Variants in GRIK2 observed in about 807,000 individuals in gnomAD.
GRIK2 encodes the protein glutamate receptor ionotropic, kainate 2.
Under a neutral mutation model 100.3 loss-of-function variants are expected in GRIK2, and 32 were observed. That is an observed-to-expected ratio of 0.32 (90% CI 0.24 to 0.43). The LOEUF is 0.43. Among genes scored for constraint, GRIK2 ranks in the 20% least tolerant of loss-of-function variants. GRIK2 has a pLI of 1.00. For synonymous variants in GRIK2, 417 were observed against 389.4 expected (o/e 1.07, Z -0.83); for missense variants, 843 against 1,114.9 (o/e 0.76, Z 3.47).
chr6:101,466,772 T>C (rs1771671114), intron 2 of GRIK2, among the ~76,000 whole-genome samples: 1 of 152,162 alleles, frequency 6.6e-6, no homozygotes, highest in African/African-American at 2.4e-5. Flanking sequence ...TGAAGGAGTT[T>C]GTGTGCTTTC....
At chr6:102,013,075 GTTTC>G (rs1343550053) in intron 14 of GRIK2, among the ~76,000 whole-genome samples, 2 of 151,990 alleles carry the variant, frequency 1.3e-5, no homozygotes, top group East Asian at 1.9e-4. Flanking sequence ...AGTATAGAAT[GTTTC>G]TTTATTTGTT....
chr6:101,946,705 C>A (rs537490961), intron 14 of GRIK2, among the ~76,000 whole-genome samples: 8 of 151,986 alleles, frequency 5.3e-5, no homozygotes, highest in Non-Finnish European at 8.8e-5. Context: ...AGAGGAGATG[C>A]CAGGATTCAG....
At chr6:101,431,497 G>A (rs78464510) in intron 2 of GRIK2, 11,793 of 152,190 alleles carry the variant, frequency 0.077, 478 homozygotes, top group Middle Eastern at 0.11. Flanking sequence ...CACATGTGGC[G>A]CCATTGTCAA....
chr6:101,889,769 G>C lies in GRIK2; in HGVS notation c.1654G>C (p.Val552Leu). ...CAAGCCCAATGGTACAAACCCAGGC[G>C]TCTTCTCCTTCCTGAATCCTCTCTC... ...YRKPNGTNPGVFSFLNPLSPD... is the reference protein window; with the variant it reads ...YRKPNGTNPGLFSFLNPLSPD... Residue 552 changes from valine to leucine, a missense_variant, in exon 12 of 17, where the codon GTC becomes CTC. By Grantham distance (32) the Val-to-Leu change is conservative. This residue lies in a region of GRIK2 where 237 missense variants were observed against 388.0 expected (regional missense o/e 0.61). Coordinates refer to ENST00000369134, the MANE Select transcript of GRIK2 (RefSeq NM_021956.5). The C allele has an allele frequency of 6.8e-6, 11 of 1,613,128 alleles. No individual in the cohort carries two copies. The highest frequency in any genetic ancestry group is 9.3e-6 in the Non-Finnish European group (11 of 1,179,356).
intron 4 of GRIK2, among the ~76,000 whole-genome samples, chr6:101,663,464 G>A (rs1285234644): frequency 6.6e-6 from 1 of 152,166 alleles, no homozygotes; most frequent in Non-Finnish European, 1.5e-5. Flanking sequence ...CCCACTGAGG[G>A]TGAGTCAGTC....
chr6:101,891,240 C>T (rs546498518), intron 12 of GRIK2, among the ~76,000 whole-genome samples: 2 of 151,276 alleles, frequency 1.3e-5, no homozygotes, highest in East Asian at 1.9e-4. Flanking sequence ...TAATATTGGC[C>T]GGGTGTGGTT....
At chr6:101,878,250 C>T (rs1230492676) in intron 11 of GRIK2, among the ~76,000 whole-genome samples, 1 of 151,192 alleles carries the variant, frequency 6.6e-6, no homozygotes. Context: ...ACCATTTACC[C>T]AATTTCCCAT....
At chr6:101,537,046 C>T (rs1775734309) in intron 2 of GRIK2, among the ~76,000 whole-genome samples, 1 of 151,550 alleles carries the variant, frequency 6.6e-6, no homozygotes, top group Non-Finnish European at 1.5e-5. Flanking sequence ...TTTTAGTTTT[C>T]TGGAGTAATG....
At chr6:101,989,443 A>T (rs547362463) in intron 14 of GRIK2, among the ~76,000 whole-genome samples, 22 of 151,754 alleles carry the variant, frequency 1.4e-4, no homozygotes, top group South Asian at 6.2e-4. Context: ...GCCCGGATAA[A>T]GCATTAGATT....
chr6:101,493,752 A>C (rs922318982), intron 2 of GRIK2, among the ~76,000 whole-genome samples: 1 of 151,194 alleles, frequency 6.6e-6, no homozygotes, highest in Non-Finnish European at 1.5e-5. Flanking sequence ...AACATTATAT[A>C]TTATTGGAAT....
intron 2 of GRIK2, among the ~76,000 whole-genome samples, chr6:101,525,921 G>C (rs2128283061): frequency 6.6e-6 from 1 of 152,298 alleles, no homozygotes; most frequent in Admixed American, 6.5e-5. Flanking sequence ...TAAAATGGAA[G>C]GAAACAGACA....
chr6:101,881,587 C>T (rs944827140), intron 11 of GRIK2, among the ~76,000 whole-genome samples: 118 of 151,564 alleles, frequency 7.8e-4, no homozygotes, highest in African/African-American at 2.7e-3. Context: ...GAAATTTCTG[C>T]GTACTGATAT....
intron 11 of GRIK2, among the ~76,000 whole-genome samples, chr6:101,883,289 AAATAATAATAATAAT>A (rs143808702): frequency 1.4e-5 from 2 of 144,310 alleles, no homozygotes; most frequent in Non-Finnish European, 3.0e-5. Flanking sequence ...TCTCTTTGGC[AAATAATAATAATAAT>A]AATAATAATA....
rs1470359056 is a variant in GRIK2 at position 101,831,463 on chromosome 6, AG to A, written c.1317+12981del. ...GACATGAACACTAATTAGGGATGGCAGAATTCAGGCTTGAAGAGCCACAGTG... is the reference window on the plus strand; with the variant it reads ...GACATGAACACTAATTAGGGATGGCAAATTCAGGCTTGAAGAGCCACAGTG... On this transcript the variant is annotated intron_variant, in intron 10 of 16. Coordinates refer to ENST00000369134, the MANE Select transcript of GRIK2 (RefSeq NM_021956.5). 9.2e-5 allele frequency among the ~76,000 whole-genome samples: 14 copies of A among 152,256 alleles called. No homozygotes were observed. The East Asian group carries it at 2.7e-3, about 29-fold the overall frequency.
Position 102,055,234 on chromosome 6 carries a change from A to G in GRIK2, c.2312-96A>G, listed in dbSNP as rs568437978. 27 of 885,386 alleles carry G rather than the reference A, an allele frequency of 3.0e-5. No homozygotes were observed. In the East Asian group the frequency reaches 4.8e-4, roughly 16 times the overall value. The allele number at this position is 885,386 out of a possible 1,614,324, so 54.8% of individuals were successfully genotyped here. ...AAAAAACATTGGCACACTTTGAAGC[A>G]TTTTGAAAAATCTCTGCCCTCCTCT... is the stretch of plus-strand genomic sequence containing the variant. On this transcript the variant is annotated intron_variant, in intron 15 of 16. Transcript: ENST00000369134.
intron 14 of GRIK2, among the ~76,000 whole-genome samples, chr6:102,020,092 C>A (rs1370254371): frequency 6.6e-6 from 1 of 151,862 alleles, no homozygotes; most frequent in Non-Finnish European, 1.5e-5. Flanking sequence ...AGAGTCCTTA[C>A]AGGAAGTAAA....
In GRIK2 at chr6:101,549,356, C is replaced by G. The variant is rs186152616; in HGVS notation, c.116-72593C>G. ...GGTAGGGTGGGAGGAGAAGGCTTGG[C>G]ATTTCACGGAGACAGATGCTTGAAT... On this transcript the variant is annotated intron_variant, in intron 2 of 16. Transcript: ENST00000369134. 2.8e-3 allele frequency among the ~76,000 whole-genome samples: 416 copies of G among 150,698 alleles called. 4 individuals carry two copies. Among genetic ancestry groups the G allele is most frequent in the Non-Finnish European group, 3.0e-3 (202 of 67,836 alleles).
At chr6:102,042,294 A>G (rs1235928278) in intron 15 of GRIK2, among the ~76,000 whole-genome samples, 2 of 151,654 alleles carry the variant, frequency 1.3e-5, no homozygotes, top group African/African-American at 4.8e-5. Context: ...TTTACATTTG[A>G]CCAATCTACA....
intron 14 of GRIK2, among the ~76,000 whole-genome samples, chr6:102,018,340 T>C (rs571190107): frequency 2.0e-5 from 3 of 152,084 alleles, no homozygotes; most frequent in African/African-American, 7.2e-5. Flanking sequence ...AGAGCTTGAG[T>C]TGAGTATTTT....
Sources: gnomAD v4.1 joint callset for allele counts (sites outside exome capture counted in the v4.1 genomes callset) on GRCh38, gnomAD v4.1.1 for gene constraint, gnomAD v4.1.1 regional missense constraint, MANE v1.5 for transcripts, NCBI Gene and HGNC (gene_info 2026-07-23, HGNC 2026-07-21) for gene names.